Variants in PKD2L2 observed in about 807,000 individuals in gnomAD.
The protein encoded by PKD2L2 is polycystin-2-like protein 2.
Under a neutral mutation model 83.9 loss-of-function variants are expected in PKD2L2, and 67 were observed. The observed-to-expected ratio is 0.80, with a 90% CI of 0.66 to 0.98. The LOEUF is 0.98. Ranked by LOEUF, PKD2L2 falls within the 50% of genes least tolerant of loss-of-function variation. The probability of loss-of-function intolerance (pLI) is 0.00; values close to 1 mark genes in which losing one functional copy is unlikely to be tolerated. For missense variants in PKD2L2, 632 were observed against 717.2 expected (o/e 0.88, Z 1.36); for synonymous variants, 223 against 237.8 (o/e 0.94, Z 0.57).
intron 4 of PKD2L2, among the ~76,000 whole-genome samples, chr5:137,896,553 C>T (rs2150004604): frequency 6.6e-6 from 1 of 152,142 alleles, no homozygotes; most frequent in South Asian, 2.1e-4. Flanking sequence ...GCTAGGACTA[C>T]AGGAATACAC....
In PKD2L2 at chr5:137,925,036, C is replaced by A; in HGVS notation, c.1552-4C>A. The A allele has an allele frequency of 6.4e-7, 1 of 1,555,696 alleles. No homozygotes were observed. On this transcript the variant is annotated splice_region_variant and splice_polypyrimidine_tract_variant and intron_variant, in intron 10 of 14. Coordinates refer to ENST00000508883, the MANE Select transcript of PKD2L2 (RefSeq NM_001300921.2). ...ATTTTCAAACTATTTTAAATTATGC[C>A]CAGAGTTACAAAAATGTTCTCGAGA... is the stretch of plus-strand genomic sequence containing the variant.
intron 14 of PKD2L2, chr5:137,942,159 A>G: frequency 1.3e-6 from 1 of 761,938 alleles, no homozygotes. Flanking sequence ...AGGTCTACCA[A>G]TGCCTAAGCT....
At chr5:137,917,917 G>A (rs1758529415) in intron 8 of PKD2L2, among the ~76,000 whole-genome samples, 1 of 152,058 alleles carries the variant, frequency 6.6e-6, no homozygotes, top group African/African-American at 2.4e-5. Flanking sequence ...TTCAAACCAG[G>A]CTGGGTGTGG....
chr5:137,936,030 T>C, intron 13 of PKD2L2, 121 bp downstream of exon 13: 3 of 684,060 alleles, frequency 4.4e-6, no homozygotes. Context: ...CTTTATTTAC[T>C]TTCTATCCAG....
chr5:137,929,859 T>C lies in PKD2L2; in HGVS notation c.1671+3930T>C, dbSNP rs181357085. Among the ~76,000 whole-genome samples the C allele has an allele frequency of 2.0e-3, 297 of 152,196 alleles. 2 individuals carry two copies. Among genetic ancestry groups the C allele is most frequent in the Non-Finnish European group, 3.5e-3 (239 of 68,008 alleles). On this transcript the variant is annotated intron_variant, in intron 12 of 14. Transcript: ENST00000508883. Reference sequence around the variant, plus strand: ...TTCCAAAATGTTAAATATAAAAGCATGATCAAAGACCTAAAAGGCAAACAA... The same window carrying C: ...TTCCAAAATGTTAAATATAAAAGCACGATCAAAGACCTAAAAGGCAAACAA...
At position 137,941,888 on chromosome 5, in the gene PKD2L2, G is replaced by C. The variant is rs549025350; in HGVS notation, c.*18-496G>C. On this transcript the variant is annotated intron_variant, in intron 14 of 14. Transcript: ENST00000508883. ...CACGTATTCCATTATTTCAACATATGGTCAGTTTGTGAGTTAGAGAAGAAA... is the reference window on the plus strand; with the variant it reads ...CACGTATTCCATTATTTCAACATATCGTCAGTTTGTGAGTTAGAGAAGAAA... 1.6e-5 allele frequency: 21 copies of C among 1,354,514 alleles called. No individual in the cohort carries two copies. The East Asian group carries it at 4.6e-4, about 30-fold the overall frequency. 83.9% of individuals were successfully genotyped at this position (1,354,514 alleles called of 1,614,324 possible). A position where few individuals can be genotyped will look rare whatever the true frequency, so the allele number is the denominator to read the frequency against.
intron 14 of PKD2L2, chr5:137,939,721 AT>A: frequency 3.2e-6 from 1 of 317,378 alleles, no homozygotes; most frequent in Non-Finnish European, 4.8e-6. Flanking sequence ...TCTCAGTTTG[AT>A]TTTGGTTTTC....
intron 6 of PKD2L2, among the ~76,000 whole-genome samples, 155 bp from the exon 7 acceptor site, chr5:137,907,587 G>C (rs954351481): frequency 1.3e-5 from 2 of 152,150 alleles, no homozygotes; most frequent in Non-Finnish European, 2.9e-5. Context: ...TGTATAAGTT[G>C]AGGGTAATTT....
intron 14 of PKD2L2, among the ~76,000 whole-genome samples, chr5:137,941,060 C>A (rs2150098189): frequency 6.6e-6 from 1 of 152,208 alleles, no homozygotes; most frequent in East Asian, 1.9e-4. Flanking sequence ...TGCCCGCCAC[C>A]ACGCCTGCCT....
chr5:137,890,384 C>G (rs556205489), intron 1 of PKD2L2, 97 bp from the exon 2 acceptor site: 2 of 676,812 alleles, frequency 3.0e-6, no homozygotes, highest in Non-Finnish European at 5.2e-6. Flanking sequence ...CTTTCCTCCC[C>G]GCAGTGTAAG....
intron 8 of PKD2L2, among the ~76,000 whole-genome samples, chr5:137,916,911 T>G (rs1006042303): frequency 1.3e-5 from 2 of 152,152 alleles, no homozygotes; most frequent in Admixed American, 1.3e-4. Flanking sequence ...AGATTCTCTG[T>G]CTTTGGCTTT....
chr5:137,936,276 A>T, intron 13 of PKD2L2, 44 bp from the exon 14 acceptor site: 1 of 1,489,980 alleles, frequency 6.7e-7, no homozygotes, highest in East Asian at 2.5e-5. Context: ...TATACATGAA[A>T]GTTTATTACT....
chr5:137,917,549 C>G (rs1758488987), intron 8 of PKD2L2, among the ~76,000 whole-genome samples: 1 of 152,134 alleles, frequency 6.6e-6, no homozygotes, highest in African/African-American at 2.4e-5. Flanking sequence ...TCTGCCTGCT[C>G]AAATCTTCCT....
chr5:137,940,097 A>T, intron 14 of PKD2L2: 1 of 1,614,180 alleles, frequency 6.2e-7, no homozygotes. Context: ...TAGTGGCACC[A>T]CAACCAAGTA....
chr5:137,913,010 G>A (rs1418642751), intron 8 of PKD2L2, among the ~76,000 whole-genome samples: 1 of 150,484 alleles, frequency 6.6e-6, no homozygotes, highest in Admixed American at 6.6e-5. Flanking sequence ...CTCCATGTTG[G>A]TCAGGCCGGT....
intron 2 of PKD2L2, 128 bp downstream of exon 2, chr5:137,890,710 C>T (rs1755893330): frequency 1.2e-5 from 6 of 497,886 alleles, no homozygotes; most frequent in South Asian, 3.8e-5. Flanking sequence ...TACAGTGACA[C>T]GTTTAAACAT....
intron 12 of PKD2L2, among the ~76,000 whole-genome samples, chr5:137,934,759 C>T (rs1760174540): frequency 6.6e-6 from 1 of 152,170 alleles, no homozygotes. Flanking sequence ...TAGCATTCAA[C>T]TTCCACATCG....
chr5:137,937,596 C>T (rs948333774), intron 14 of PKD2L2, among the ~76,000 whole-genome samples: 3 of 152,176 alleles, frequency 2.0e-5, no homozygotes, highest in African/African-American at 7.2e-5. Context: ...CTCAATAGTT[C>T]CTGAATTTTA....
intron 3 of PKD2L2, 42 bp from the exon 4 acceptor site, chr5:137,894,311 A>G (rs1214780307): frequency 1.3e-6 from 2 of 1,529,640 alleles, no homozygotes; most frequent in South Asian, 1.2e-5. Context: ...TTCTGTTGAC[A>G]TGAAAATATT....
Sources: allele counts gnomAD v4.1 joint callset (sites outside exome capture counted in the v4.1 genomes callset), GRCh38; gene constraint gnomAD v4.1.1; transcripts MANE v1.5; gene names NCBI Gene and HGNC (gene_info 2026-07-23, HGNC 2026-07-21).